TRDN: variants seen among roughly 807,000 people sequenced by gnomAD.
The protein encoded by TRDN is triadin.
A neutral mutation model predicts 149.7 loss-of-function variants in TRDN; 161 were observed. The ratio of observed to expected loss-of-function variants is 1.08; its 90% CI spans 0.95 to 1.23. The LOEUF is 1.23. Among genes scored for constraint, TRDN ranks in the 50% most tolerant of loss-of-function variants. The pLI is 0.00. For missense variants in TRDN, 896 were observed against 823.5 expected (o/e 1.09, Z -1.08); for synonymous variants, 294 against 250.5 (o/e 1.17, Z -1.64).
At chr6:123,277,909 C>A (rs1229194551) in intron 26 of TRDN, among the ~76,000 whole-genome samples, 1 of 152,146 alleles carries the variant, frequency 6.6e-6, no homozygotes, top group Non-Finnish European at 1.5e-5. Context: ...CAGAACCAGA[C>A]AGTTGAGTGT....
intron 40 of TRDN, among the ~76,000 whole-genome samples, 158 bp from the exon 41 acceptor site, chr6:123,218,898 T>C (rs561066710): frequency 1.3e-5 from 2 of 152,064 alleles, no homozygotes; most frequent in East Asian, 2.0e-4. Context: ...GGAGTCTTTA[T>C]GTATAACATC....
chr6:123,621,775 T>A (rs866935702), intron 1 of TRDN, among the ~76,000 whole-genome samples: 53 of 152,176 alleles, frequency 3.5e-4, no homozygotes, highest in African/African-American at 1.2e-3. Flanking sequence ...AAGAAAACCA[T>A]TACCAAAAAA....
intron 2 of TRDN, among the ~76,000 whole-genome samples, chr6:123,560,433 C>T (rs1297196186): frequency 6.6e-6 from 1 of 152,082 alleles, no homozygotes; most frequent in African/African-American, 2.4e-5. Context: ...TCATTAATGC[C>T]TCTTTAATAA....
chr6:123,281,393 A>T (rs1777580534), intron 24 of TRDN, among the ~76,000 whole-genome samples: 1 of 152,124 alleles, frequency 6.6e-6, no homozygotes, highest in African/African-American at 2.4e-5. Flanking sequence ...CCAGAGATAC[A>T]ATACAAAGCA....
At chr6:123,326,752 A>T (rs988583566) in intron 23 of TRDN, among the ~76,000 whole-genome samples, 3 of 152,096 alleles carry the variant, frequency 2.0e-5, no homozygotes, top group African/African-American at 7.2e-5. Context: ...TTTTTCAGTG[A>T]TCATAAATTT....
At chr6:123,279,988 TCAGACAA>T (rs1270337795) in intron 24 of TRDN, among the ~76,000 whole-genome samples, 2 of 152,130 alleles carry the variant, frequency 1.3e-5, no homozygotes, top group East Asian at 1.9e-4. Context: ...ATATTGAACA[TCAGACAA>T]CAAAGAACAG....
intron 2 of TRDN, among the ~76,000 whole-genome samples, chr6:123,553,270 C>T (rs4897288): frequency 0.46 from 70,528 of 151,838 alleles, 17,292 homozygotes; most frequent in East Asian, 0.9. Flanking sequence ...CCCTGATGCA[C>T]TTAGCACCTA....
At chr6:123,361,371 G>A (rs559555739) in intron 20 of TRDN, among the ~76,000 whole-genome samples, 5 of 152,188 alleles carry the variant, frequency 3.3e-5, no homozygotes, top group South Asian at 2.1e-4. Context: ...GGGGCCTGTC[G>A]GTGGGTGGGG....
chr6:123,491,917 A>G (rs1778241159), intron 9 of TRDN, among the ~76,000 whole-genome samples: 1 of 152,200 alleles, frequency 6.6e-6, no homozygotes, highest in Non-Finnish European at 1.5e-5. Flanking sequence ...TCTGAAATAC[A>G]TTAAACCATT....
intron 2 of TRDN, among the ~76,000 whole-genome samples, chr6:123,550,951 T>C (rs1161535663): frequency 1.3e-5 from 2 of 151,902 alleles, no homozygotes; most frequent in Non-Finnish European, 2.9e-5. Flanking sequence ...ATAATTGCAA[T>C]TGAGGATTTT....
chr6:123,396,597 T>C (rs1772743098), intron 12 of TRDN, among the ~76,000 whole-genome samples: 1 of 152,184 alleles, frequency 6.6e-6, no homozygotes, highest in Admixed American at 6.5e-5. Context: ...GGGTGTTTTT[T>C]CAGGAAATTA....
At chr6:123,529,162 GA>G (rs1428124540) in intron 5 of TRDN, 22 of 1,540,512 alleles carry the variant, frequency 1.4e-5, no homozygotes, top group Non-Finnish European at 1.8e-5. Flanking sequence ...CAGTCTGCAA[GA>G]AAAAAACAGC....
At chr6:123,356,549 A>G (rs1160413549) in intron 20 of TRDN, among the ~76,000 whole-genome samples, 7 of 116,282 alleles carry the variant, frequency 6.0e-5, no homozygotes, top group South Asian at 5.5e-4. Context: ...ATATATATAT[A>G]GTTGTTGCTC....
In TRDN at chr6:123,636,835, T is replaced by C. The variant is rs879747000; in HGVS notation, c.-60A>G. ...TCCCGTCAAGTTGCACTTTGCAGAG[T>C]ATTTGGGGATTTGAGAACTCTGGTG... On this transcript the variant is annotated 5_prime_UTR_variant, in exon 1 of 41. It adds an upstream start codon to the 5' untranslated region. Coordinates refer to ENST00000334268, the MANE Select transcript of TRDN (RefSeq NM_006073.4). 21 of 1,606,206 alleles carry C rather than the reference T, an allele frequency of 1.3e-5. No individual in the cohort carries two copies. Among genetic ancestry groups the C allele is most frequent in the Non-Finnish European group, 1.8e-5 (21 of 1,174,148 alleles).
chr6:123,253,513 GA>G (rs1368744118), intron 37 of TRDN, among the ~76,000 whole-genome samples: 1 of 152,014 alleles, frequency 6.6e-6, no homozygotes, highest in Non-Finnish European at 1.5e-5. Flanking sequence ...AAATAATTTG[GA>G]AAACTCTTTC....
intron 26 of TRDN, among the ~76,000 whole-genome samples, chr6:123,277,036 A>G (rs1582812437): frequency 6.6e-6 from 1 of 152,140 alleles, no homozygotes; most frequent in Non-Finnish European, 1.5e-5. Context: ...CTTAGGACTC[A>G]GGACCTCTTT....
At chr6:123,537,329 G>A (rs1352342246) in intron 4 of TRDN, among the ~76,000 whole-genome samples, 1 of 152,028 alleles carries the variant, frequency 6.6e-6, no homozygotes, top group Non-Finnish European at 1.5e-5. Flanking sequence ...TATTCTACAT[G>A]CAGAAATTAC....
intron 23 of TRDN, among the ~76,000 whole-genome samples, chr6:123,323,004 G>A (rs139957031): frequency 7.9e-5 from 12 of 152,114 alleles, no homozygotes; most frequent in Non-Finnish European, 1.2e-4. Context: ...TTCATCTTTG[G>A]AGCCTCACTG....
intron 2 of TRDN, among the ~76,000 whole-genome samples, chr6:123,553,320 C>A (rs958054258): frequency 2.6e-5 from 4 of 152,070 alleles, no homozygotes; most frequent in African/African-American, 9.7e-5. Context: ...ATGATTAACC[C>A]CAACCTTAAT....
Sources: gnomAD v4.1 joint callset for allele counts (sites outside exome capture counted in the v4.1 genomes callset) on GRCh38, gnomAD v4.1.1 for gene constraint, MANE v1.5 for transcripts, NCBI Gene and HGNC (gene_info 2026-07-23, HGNC 2026-07-21) for gene names.